CACNA1E: variants seen among roughly 807,000 people sequenced by gnomAD.
The protein encoded by CACNA1E is calcium voltage-gated channel subunit alpha1 E.
A neutral mutation model predicts 259.2 loss-of-function variants in CACNA1E; 40 were observed. That is an observed-to-expected ratio of 0.15 (90% CI 0.12 to 0.20). CACNA1E has a LOEUF of 0.20. Among genes scored for constraint, CACNA1E ranks in the 10% least tolerant of loss-of-function variants. The pLI is 1.00. For missense variants in CACNA1E, 1,874 were observed against 3,040.1 expected, an observed-to-expected ratio of 0.62 and a Z score of 9.02; for synonymous variants, 1,104 against 1,138.5, an observed-to-expected ratio of 0.97 and a Z score of 0.61.
chr1:181,496,474 C>G (rs1371086189), intron 1 of CACNA1E, among the ~76,000 whole-genome samples: 1 of 152,204 alleles, frequency 6.6e-6, no homozygotes, highest in Admixed American at 6.5e-5. Flanking sequence ...TCCTGGCTAA[C>G]TACTTCCTAT....
chr1:181,448,162 G>A (rs1451267030), intron 2 of CACNA1E, among the ~76,000 whole-genome samples: 1 of 152,180 alleles, frequency 6.6e-6, no homozygotes, highest in Non-Finnish European at 1.5e-5. Flanking sequence ...ACATTATTCT[G>A]TGTACCACAT....
chr1:181,461,334 G>A (rs376417918), intron 2 of CACNA1E, among the ~76,000 whole-genome samples: 51 of 151,980 alleles, frequency 3.4e-4, no homozygotes, highest in African/African-American at 1.2e-3. Flanking sequence ...GAGGTCAGGA[G>A]ATCGAGACCA....
At chr1:181,391,583 C>T (rs1465177294) in intron 1 of CACNA1E, among the ~76,000 whole-genome samples, 8 of 152,120 alleles carry the variant, frequency 5.3e-5, no homozygotes, top group Non-Finnish European at 7.3e-5. Context: ...CCATGGCCAA[C>T]TAATGCCAGC....
chr1:181,460,242 ACT>A (rs1369727199), intron 2 of CACNA1E, among the ~76,000 whole-genome samples: 1 of 152,056 alleles, frequency 6.6e-6, no homozygotes, highest in African/African-American at 2.4e-5. Flanking sequence ...AAAAAAGCTG[ACT>A]CTGGTTGCAG....
At chr1:181,641,508 C>T (rs1178362051) in intron 6 of CACNA1E, among the ~76,000 whole-genome samples, 1 of 143,684 alleles carries the variant, frequency 7.0e-6, no homozygotes, top group Non-Finnish European at 1.5e-5. Context: ...ATCCACCTTC[C>T]ACTTCATGTC....
chr1:181,561,348 ACT>A (rs975249688), intron 3 of CACNA1E, among the ~76,000 whole-genome samples: 1 of 152,068 alleles, frequency 6.6e-6, no homozygotes, highest in Non-Finnish European at 1.5e-5. Context: ...TAGATATACA[ACT>A]CTGTGTTTTG....
At chr1:181,645,336 A>G (rs1214762678) in intron 6 of CACNA1E, among the ~76,000 whole-genome samples, 2 of 152,092 alleles carry the variant, frequency 1.3e-5, no homozygotes, top group East Asian at 3.9e-4. Context: ...GGGTACCTTT[A>G]TGACTTGCAT....
chr1:181,670,395 C>T (rs1648673678), intron 7 of CACNA1E, among the ~76,000 whole-genome samples: 1 of 152,190 alleles, frequency 6.6e-6, no homozygotes, highest in Non-Finnish European at 1.5e-5. Context: ...TGTATCACTA[C>T]ATTCTCAACA....
At chr1:181,618,160 A>G (rs191143344) in intron 6 of CACNA1E, among the ~76,000 whole-genome samples, 2 of 152,314 alleles carry the variant, frequency 1.3e-5, no homozygotes, top group Admixed American at 1.3e-4. Context: ...ATGTGAGACA[A>G]GGGGACTAGA....
intron 2 of CACNA1E, among the ~76,000 whole-genome samples, chr1:181,415,376 G>A (rs1033129270): frequency 3.9e-5 from 6 of 152,138 alleles, no homozygotes; most frequent in Non-Finnish European, 5.9e-5. Context: ...TTGGGAGACT[G>A]TTTTCACTTG....
intron 6 of CACNA1E, among the ~76,000 whole-genome samples, chr1:181,609,146 T>C (rs903856887): frequency 6.6e-6 from 1 of 152,212 alleles, no homozygotes; most frequent in South Asian, 2.1e-4. Flanking sequence ...CTACCTTTGT[T>C]GTAATGCCAA....
In CACNA1E at chr1:181,407,791, A is replaced by G. The variant is rs1275370076; in HGVS notation, c.-14-5342A>G. Reference sequence around the variant, plus strand: ...GAGTAGGTCATTCCCTGCCATTCCTATTGCTGGGCAGGAAACCCATTTTAC... The same window carrying G: ...GAGTAGGTCATTCCCTGCCATTCCTGTTGCTGGGCAGGAAACCCATTTTAC... On this transcript the variant is annotated intron_variant, in intron 1 of 11. Transcript: ENST00000524607. 2.6e-5 allele frequency among the ~76,000 whole-genome samples: 4 copies of G among 152,098 alleles called. No individual in the cohort carries two copies. In the South Asian group the frequency reaches 8.3e-4, roughly 32 times the overall value.
At chr1:181,376,845 C>CA (rs34512411) in intron 1 of CACNA1E, among the ~76,000 whole-genome samples, 74,444 of 151,932 alleles carry the variant, frequency 0.49, 18,920 homozygotes, top group African/African-American at 0.63. Flanking sequence ...TGGAAACTGG[C>CA]ACTGGAGTTT....
chr1:181,344,087 C>A (rs1652401417), intron 1 of CACNA1E, among the ~76,000 whole-genome samples: 1 of 152,188 alleles, frequency 6.6e-6, no homozygotes, highest in African/African-American at 2.4e-5. Flanking sequence ...TGTGTTCTCT[C>A]AAACTTCCTT....
rs887773825 is a variant in CACNA1E, at chr1:181,628,093, T to C, written c.952-23245T>C. Among the ~76,000 whole-genome samples, 3 of 152,220 alleles carry C rather than the reference T, an allele frequency of 2.0e-5. No individual in the cohort carries two copies. In the South Asian group the frequency reaches 6.2e-4, roughly 32 times the overall value. On this transcript the variant is annotated intron_variant, in intron 6 of 47. Coordinates refer to ENST00000367573, the MANE Select transcript of CACNA1E (RefSeq NM_001205293.3). ...GAGATGAAGAAGTTGAGATGGACTG[T>C]GTGTCTCTTGAGTCAATGTCGATAA...
intron 2 of CACNA1E, among the ~76,000 whole-genome samples, chr1:181,424,997 G>A (rs1300793267): frequency 6.6e-6 from 1 of 152,180 alleles, no homozygotes; most frequent in African/African-American, 2.4e-5. Context: ...GTCAAGATTC[G>A]GAAATTCTGC....
chr1:181,404,492 A>T (rs1156242546), intron 1 of CACNA1E, among the ~76,000 whole-genome samples: 1 of 152,228 alleles, frequency 6.6e-6, no homozygotes, highest in African/African-American at 2.4e-5. Flanking sequence ...GTTAATTATA[A>T]CATAATTGTT....
intron 1 of CACNA1E, among the ~76,000 whole-genome samples, chr1:181,406,572 C>G (rs1557977962): frequency 6.6e-6 from 1 of 151,862 alleles, no homozygotes; most frequent in Non-Finnish European, 1.5e-5. Flanking sequence ...ATTTTTTTGT[C>G]TTTTTAGTAG....
chr1:181,529,634 T>C (rs1452721043), intron 3 of CACNA1E, among the ~76,000 whole-genome samples: 1 of 152,198 alleles, frequency 6.6e-6, no homozygotes, highest in Non-Finnish European at 1.5e-5. Context: ...ACCTTTGGCA[T>C]TGGCATGTCC....
Sources: gnomAD v4.1 joint callset for allele counts (sites outside exome capture counted in the v4.1 genomes callset) on GRCh38, gnomAD v4.1.1 for gene constraint, MANE v1.5 for transcripts, NCBI Gene and HGNC (gene_info 2026-07-23, HGNC 2026-07-21) for gene names.